The following ZNF541 variants were observed in gnomAD, a reference collection of about 807,000 sequenced individuals.
ZNF541 encodes the protein zinc finger protein 541.
Under a neutral mutation model 123.5 loss-of-function variants are expected in ZNF541, and 23 were observed. The ratio of observed to expected loss-of-function variants is 0.19; its 90% CI spans 0.13 to 0.26. The LOEUF (loss-of-function observed/expected upper bound fraction) is 0.26. ZNF541 is among the 10% of genes least tolerant of loss of function. The pLI, the probability that ZNF541 is intolerant of heterozygous loss-of-function variation, is 1.00. For missense variants in ZNF541, 1,612 were observed against 1,789.9 expected, an observed-to-expected ratio of 0.90 and a Z score of 1.79; for synonymous variants, 751 against 754.5, an observed-to-expected ratio of 1.00 and a Z score of 0.08.
chr19:47,530,621 G>T (rs1478698248), intron 12 of ZNF541, among the ~76,000 whole-genome samples: 2 of 152,012 alleles, frequency 1.3e-5, no homozygotes, highest in Non-Finnish European at 2.9e-5. Context: ...AGGACTCCTT[G>T]TTTAAAAAGT....
At chr19:47,522,095 G>C in intron 14 of ZNF541, 101 bp from the exon 15 acceptor site, 1 of 1,449,076 alleles carries the variant, frequency 6.9e-7, no homozygotes, top group Non-Finnish European at 9.3e-7. Context: ...CCCTCCGGAA[G>C]CACCTCTTCC....
chr19:47,547,608 T>A (rs1338717641), intron 4 of ZNF541, among the ~76,000 whole-genome samples: 1 of 152,072 alleles, frequency 6.6e-6, no homozygotes, highest in Non-Finnish European at 1.5e-5. Flanking sequence ...GCAAATTGGC[T>A]CCTTTTCCTG....
At chr19:47,556,907 G>A (rs1468068310) in intron 2 of ZNF541, among the ~76,000 whole-genome samples, 4 of 151,432 alleles carry the variant, frequency 2.6e-5, no homozygotes, top group African/African-American at 7.3e-5. Context: ...ACAGGTGCAC[G>A]CCACCACACC....
Position 47,571,980 on chromosome 19 carries a change from C to T in ZNF541, c.-183G>A, listed in dbSNP as rs1599754905. Among the ~76,000 whole-genome samples, 1 of 152,122 alleles carries T rather than the reference C, an allele frequency of 6.6e-6. No homozygotes were observed. Among genetic ancestry groups the T allele is most frequent in the African/African-American group, 2.4e-5 (1 of 41,430 alleles). The stretch of plus-strand genomic sequence containing the variant: ...GAGGGGGTTCAGGTGACAAGCAGAC[C>T]ACTGGATATGTCCTCCTGGAACACT... On this transcript the variant is annotated 5_prime_UTR_variant, in exon 2 of 17. Coordinates refer to ENST00000391901, the MANE Select transcript of ZNF541 (RefSeq NM_001277075.3).
intron 9 of ZNF541, among the ~76,000 whole-genome samples, chr19:47,536,060 T>G (rs1181075574): frequency 6.6e-6 from 1 of 152,212 alleles, no homozygotes; most frequent in Non-Finnish European, 1.5e-5. Context: ...AATATAGGGA[T>G]ATGTCTGGCT....
At chr19:47,568,035 G>A (rs1971334088) in intron 2 of ZNF541, among the ~76,000 whole-genome samples, 1 of 152,162 alleles carries the variant, frequency 6.6e-6, no homozygotes, top group Non-Finnish European at 1.5e-5. Context: ...GGATGGCTGG[G>A]ACTCGGCCTT....
chr19:47,549,710 T>C (rs1457849313), intron 3 of ZNF541, among the ~76,000 whole-genome samples: 2 of 152,158 alleles, frequency 1.3e-5, no homozygotes, highest in Non-Finnish European at 2.9e-5. Flanking sequence ...GACTGCAGAC[T>C]GAAGCCCTTC....
chr19:47,538,444 A>G lies in ZNF541; in HGVS notation c.2797-5T>C. The G allele has an allele frequency of 6.7e-7, 1 of 1,497,612 alleles. No individual in the cohort carries two copies. Among genetic ancestry groups the G allele is most frequent in the Non-Finnish European group, 8.9e-7 (1 of 1,121,518 alleles). The allele number at this position is 1,497,612 out of a possible 1,614,324, so 92.8% of individuals were successfully genotyped here. ...CTCCCCGTCTTTCTCTTGTCCCTGA[A>G]GAAGTTTAGAACCACAGGTGGTCGC... On this transcript the variant is annotated splice_region_variant and splice_polypyrimidine_tract_variant and intron_variant, in intron 8 of 16. Transcript: ENST00000391901.
chr19:47,569,189 G>A (rs1971382426), intron 2 of ZNF541, among the ~76,000 whole-genome samples: 1 of 151,886 alleles, frequency 6.6e-6, no homozygotes, highest in South Asian at 2.1e-4. Context: ...AAGGGCTTAT[G>A]GTCTCCAGTT....
chr19:47,528,817 A>T (rs1969429179), intron 14 of ZNF541, 133 bp downstream of exon 14: 1 of 655,650 alleles, frequency 1.5e-6, no homozygotes, highest in African/African-American at 1.8e-5. Flanking sequence ...TTGACATTGT[A>T]AACTGTCTAC....
At position 47,549,584 on chromosome 19, in the gene ZNF541, G is replaced by C. The variant is rs192691671; in HGVS notation, c.308-99C>G. ...CACCTCTTAGAACCATGGTGGCCTT[G>C]TAAGTGTTGCGCGAGAACTCTTGCT... On this transcript the variant is annotated intron_variant, in intron 3 of 16. Coordinates refer to ENST00000391901, the MANE Select transcript of ZNF541 (RefSeq NM_001277075.3). The C allele has an allele frequency of 6.8e-5, 102 of 1,489,628 alleles. No individual in the cohort carries two copies. In the African/African-American group the frequency reaches 1.3e-3, roughly 19 times the overall value. 92.3% of individuals were successfully genotyped at this position (1,489,628 alleles called of 1,614,324 possible). A position where few individuals can be genotyped will look rare whatever the true frequency, so the allele number is the denominator to read the frequency against.
intron 14 of ZNF541, among the ~76,000 whole-genome samples, chr19:47,523,648 G>C (rs1477564936): frequency 6.6e-6 from 1 of 152,152 alleles, no homozygotes; most frequent in Admixed American, 6.5e-5. Context: ...CAAGACACCA[G>C]GCGTCATTCA....
intron 9 of ZNF541, among the ~76,000 whole-genome samples, chr19:47,534,917 T>C (rs1969746995): frequency 6.6e-6 from 1 of 151,918 alleles, no homozygotes; most frequent in Non-Finnish European, 1.5e-5. Context: ...ATGTAATATA[T>C]AAAAGTTATC....
chr19:47,545,842 G>T lies in ZNF541; in HGVS notation c.687C>A (p.Ala229=), dbSNP rs1457774694. ...CCCCGCAGGCCTCTTCCTCCGGGGG[G>T]GCTTCCTTCAGGATGCACAGGCCGT... The part of the protein sequence containing the change: ...VHHGLCILKE[A]PPEEEACGDS... Residue 229 remains alanine, a synonymous_variant, in exon 5 of 17, where the codon GCC becomes GCA. Coordinates refer to ENST00000391901, the MANE Select transcript of ZNF541 (RefSeq NM_001277075.3). The surrounding 1 kb of genome is among the most constrained non-coding windows in gnomAD (Gnocchi z 7.5). 2.6e-6 allele frequency: 4 copies of T among 1,549,310 alleles called. No individual in the cohort carries two copies. The highest frequency in any genetic ancestry group is 3.9e-5 in the Admixed American group (2 of 50,938).
At chr19:47,564,663 T>C (rs1226486787) in intron 2 of ZNF541, among the ~76,000 whole-genome samples, 1 of 152,114 alleles carries the variant, frequency 6.6e-6, no homozygotes, top group Admixed American at 6.5e-5. Flanking sequence ...AAATAACAGA[T>C]GTTGGCATGG....
At chr19:47,571,367 T>C (rs1251301305) in intron 2 of ZNF541, among the ~76,000 whole-genome samples, 1 of 152,234 alleles carries the variant, frequency 6.6e-6, no homozygotes, top group Non-Finnish European at 1.5e-5. Context: ...CCCAAAGTGC[T>C]GGGATTACAG....
At chr19:47,560,867 G>A (rs1971034413) in intron 2 of ZNF541, among the ~76,000 whole-genome samples, 1 of 152,048 alleles carries the variant, frequency 6.6e-6, no homozygotes, top group Non-Finnish European at 1.5e-5. Context: ...TCCAGACAAT[G>A]GAATGTTCTT....
chr19:47,570,376 G>A (rs1476358726), intron 2 of ZNF541, among the ~76,000 whole-genome samples: 1 of 151,740 alleles, frequency 6.6e-6, no homozygotes. Flanking sequence ...CCAGGAGTTT[G>A]AGACCGCCTT....
In ZNF541 at chr19:47,544,922, G is replaced by T. The variant is rs1455622110; in HGVS notation, c.1607C>A (p.Pro536Gln). Reference sequence around the variant, plus strand: ...CTTGAGGAAGAGCTGGCGGAAGAGCGGCGAGGCATCCGCAGGGAGCCCGCC... The same window carrying T: ...CTTGAGGAAGAGCTGGCGGAAGAGCTGCGAGGCATCCGCAGGGAGCCCGCC... ...KAGGLPADAS[P>Q]LFRQLFLKSQ... is the part of the protein sequence containing the mutation. The change falls in exon 5 of 17, where the codon CCG becomes CAG. Residue 536 changes from proline (P) to glutamine (Q), a missense_variant. By Grantham distance (76) the Pro-to-Gln change is moderately conservative. This residue lies in a region of ZNF541 where 1,080 missense variants were observed against 1,013.8 expected (regional missense o/e 1.07). Coordinates refer to ENST00000391901, the MANE Select transcript of ZNF541 (RefSeq NM_001277075.3). 6.5e-7 allele frequency: 1 copy of T among 1,535,864 alleles called. No individual in the cohort carries two copies. Among genetic ancestry groups the T allele is most frequent in the Admixed American group, 2.0e-5 (1 of 51,004 alleles).
Sources: allele counts gnomAD v4.1 joint callset (sites outside exome capture counted in the v4.1 genomes callset), GRCh38; gene constraint gnomAD v4.1.1; regional missense constraint gnomAD v4.1.1; non-coding constraint Gnocchi (gnomAD v3.1); transcripts MANE v1.5; gene names NCBI Gene and HGNC (gene_info 2026-07-23, HGNC 2026-07-21).